Variants in EGFLAM observed in about 807,000 individuals in gnomAD.
EGFLAM encodes pikachurin.
In EGFLAM, 79 loss-of-function variants were observed where a neutral mutation model predicts 113.1. The observed-to-expected ratio is 0.70, with a 90% CI of 0.58 to 0.84. The LOEUF (loss-of-function observed/expected upper bound fraction) is 0.84. EGFLAM is among the 40% of genes least tolerant of loss of function. EGFLAM has a pLI of 0.00. For missense variants in EGFLAM, 1,265 were observed against 1,291.6 expected (o/e 0.98, Z 0.32); for synonymous variants, 504 against 487.6 (o/e 1.03, Z -0.44).
chr5:38,413,917 C>T (rs982044199), intron 11 of EGFLAM, among the ~76,000 whole-genome samples: 3 of 152,166 alleles, frequency 2.0e-5, no homozygotes, highest in Admixed American at 6.5e-5. Context: ...CCCTCGCATG[C>T]GCAGTTCACA....
intron 5 of EGFLAM, among the ~76,000 whole-genome samples, chr5:38,355,145 T>C (rs954962383): frequency 1.3e-5 from 2 of 152,020 alleles, no homozygotes; most frequent in Admixed American, 6.6e-5. Flanking sequence ...AGGATATATA[T>C]ATAAGGGTGT....
Position 38,431,280 on chromosome 5 carries a change from A to G in EGFLAM, c.2158A>G (p.Met720Val). The change falls in exon 15 of 22, where the codon ATG becomes GTG. Residue 720 changes from methionine (M) to valine (V), a missense_variant. Met to Val is a conservative substitution (Grantham distance 21). Transcript: ENST00000322350. ...QVDKQKIVEGMAEGGFTQIKC... is the reference protein window; with the variant it reads ...QVDKQKIVEGVAEGGFTQIKC... ...GGATAAGCAGAAGATAGTGGAGGGA[A>G]TGGCAGAGGTAAGAACAGTACACCT... The G allele has an allele frequency of 5.0e-6, 8 of 1,613,986 alleles. No homozygotes were observed. The highest frequency in any genetic ancestry group is 1.3e-5 in the African/African-American group (1 of 75,044).
At chr5:38,270,864 TAG>T (rs1278324596) in intron 1 of EGFLAM, among the ~76,000 whole-genome samples, 2 of 152,324 alleles carry the variant, frequency 1.3e-5, no homozygotes, top group East Asian at 3.9e-4. Context: ...TTGTGGTCTA[TAG>T]AGTTTATAGA....
chr5:38,392,081 A>G (rs536551714), intron 6 of EGFLAM, among the ~76,000 whole-genome samples: 1 of 152,264 alleles, frequency 6.6e-6, no homozygotes, highest in Admixed American at 6.5e-5. Context: ...CCCAATAGTT[A>G]TCTTTTCTGC....
chr5:38,427,698 G>C (rs373745975), intron 14 of EGFLAM, among the ~76,000 whole-genome samples: 1 of 152,282 alleles, frequency 6.6e-6, no homozygotes. Context: ...AAATATCCTT[G>C]ATGACCTCAC....
intron 1 of EGFLAM, among the ~76,000 whole-genome samples, chr5:38,300,248 T>C (rs1194846590): frequency 6.6e-6 from 1 of 152,104 alleles, no homozygotes; most frequent in Non-Finnish European, 1.5e-5. Flanking sequence ...CACCACCGGG[T>C]CAAATCATGC....
At chr5:38,462,671 G>A (rs1743326965) in intron 20 of EGFLAM, 2 of 450,330 alleles carry the variant, frequency 4.4e-6, no homozygotes, top group African/African-American at 2.0e-5. Flanking sequence ...GGTCTTCGCC[G>A]TGGAGTGCTG....
intron 1 of EGFLAM, among the ~76,000 whole-genome samples, chr5:38,271,782 G>A (rs1195594861): frequency 2.0e-5 from 3 of 152,124 alleles, no homozygotes; most frequent in Admixed American, 2.0e-4. Context: ...TCTTCTGTTA[G>A]ATTTGTAACT....
chr5:38,307,218 A>G (rs1193311376), intron 1 of EGFLAM, among the ~76,000 whole-genome samples: 1 of 152,202 alleles, frequency 6.6e-6, no homozygotes, highest in East Asian at 1.9e-4. Context: ...ACATATTCCT[A>G]TTTTTATTTG....
At chr5:38,356,337 G>A (rs1284174746) in intron 5 of EGFLAM, among the ~76,000 whole-genome samples, 3 of 151,974 alleles carry the variant, frequency 2.0e-5, no homozygotes, top group Non-Finnish European at 2.9e-5. Context: ...CTGTAATATC[G>A]AGCAAATGCA....
At chr5:38,437,097 A>G (rs569956627) in intron 16 of EGFLAM, among the ~76,000 whole-genome samples, 1 of 152,332 alleles carries the variant, frequency 6.6e-6, no homozygotes, top group Non-Finnish European at 1.5e-5. Flanking sequence ...AGTTGGATCC[A>G]TTTATTTGGG....
chr5:38,390,794 A>G (rs368277828), intron 6 of EGFLAM, among the ~76,000 whole-genome samples: 4 of 152,136 alleles, frequency 2.6e-5, no homozygotes, highest in East Asian at 3.8e-4. Context: ...TGGACTGTTT[A>G]TATGCTTTGT....
chr5:38,457,966 G>T (rs1743143392), intron 19 of EGFLAM, among the ~76,000 whole-genome samples: 2 of 151,956 alleles, frequency 1.3e-5, no homozygotes, highest in Non-Finnish European at 2.9e-5. Context: ...AGAATGAGGG[G>T]TTATTATTTA....
intron 6 of EGFLAM, among the ~76,000 whole-genome samples, chr5:38,384,311 T>C (rs1740598859): frequency 6.6e-6 from 1 of 152,130 alleles, no homozygotes; most frequent in Non-Finnish European, 1.5e-5. Flanking sequence ...TCTCTGAAGG[T>C]CTTACAGTCA....
chr5:38,430,550 G>A (rs982148588), intron 14 of EGFLAM, among the ~76,000 whole-genome samples: 1 of 152,128 alleles, frequency 6.6e-6, no homozygotes, highest in Non-Finnish European at 1.5e-5. Context: ...TTTCCTCATG[G>A]CTAGATTGAC....
intron 6 of EGFLAM, among the ~76,000 whole-genome samples, chr5:38,376,772 G>C (rs902567003): frequency 1.3e-5 from 2 of 152,154 alleles, no homozygotes; most frequent in African/African-American, 4.8e-5. Context: ...CCGGGCTCAA[G>C]TGATCCTCCC....
chr5:38,338,614 G>A, intron 2 of EGFLAM, 84 bp from the exon 3 acceptor site: 1 of 1,291,812 alleles, frequency 7.7e-7, no homozygotes, highest in Non-Finnish European at 1.1e-6. Context: ...CTCAGAGCCT[G>A]CTGCCACTGT....
Position 38,258,830 on chromosome 5 carries a change from C to T in EGFLAM, c.76C>T (p.Arg26Ter), listed in dbSNP as rs753660780. 3.1e-6 allele frequency: 5 copies of T among 1,611,870 alleles called. No individual in the cohort carries two copies. The highest frequency in any genetic ancestry group is 4.2e-6 in the Non-Finnish European group (5 of 1,179,374). ...SSLGPGAVSLRAAIRKPGKVG... is the reference protein window; with the variant it reads ...SSLGPGAVSL Reference sequence around the variant, plus strand: ...CCTCGGACCCGGCGCGGTGTCGCTCCGAGCGGCCATCCGAAAACCAGGTAA... The same window carrying T: ...CCTCGGACCCGGCGCGGTGTCGCTCTGAGCGGCCATCCGAAAACCAGGTAA... Residue 26 changes from arginine to a stop codon, truncating the protein, a stop_gained, in exon 1 of 22, where the codon CGA becomes TGA. Transcript: ENST00000322350. LOFTEE classifies it high-confidence loss of function.
intron 20 of EGFLAM, 127 bp from the exon 21 acceptor site, chr5:38,462,781 C>G (rs1743331037): frequency 5.7e-6 from 6 of 1,052,686 alleles, no homozygotes; most frequent in Non-Finnish European, 8.4e-6. Flanking sequence ...TTCTGCAGCC[C>G]CATCATTTAG....
Sources: gnomAD v4.1 joint callset for allele counts (sites outside exome capture counted in the v4.1 genomes callset) on GRCh38, gnomAD v4.1.1 for gene constraint, MANE v1.5 for transcripts, NCBI Gene and HGNC (gene_info 2026-07-23, HGNC 2026-07-21) for gene names.